FILIP1: variants seen among roughly 807,000 people sequenced by gnomAD.
FILIP1 encodes the protein filamin-A-interacting protein 1.
Under a neutral mutation model 102.1 loss-of-function variants are expected in FILIP1, and 61 were observed. That is an observed-to-expected ratio of 0.60 (90% confidence interval 0.49 to 0.74). The LOEUF (loss-of-function observed/expected upper bound fraction) is 0.74. Ranked by LOEUF, FILIP1 falls within the 30% of genes least tolerant of loss-of-function variation. The pLI is 0.00. For missense variants in FILIP1, 1,314 were observed against 1,441.2 expected (o/e 0.91, Z 1.43); for synonymous variants, 491 against 526.9 (o/e 0.93, Z 0.93).
chr6:75,315,601 C>T (rs1449054655), intron 4 of FILIP1, among the ~76,000 whole-genome samples: 3 of 152,168 alleles, frequency 2.0e-5, no homozygotes, highest in African/African-American at 4.8e-5. Flanking sequence ...TACATAATGT[C>T]TTCTGTATCC....
intron 4 of FILIP1, among the ~76,000 whole-genome samples, chr6:75,321,866 T>C (rs1773675957): frequency 6.7e-6 from 1 of 148,292 alleles, no homozygotes; most frequent in African/African-American, 2.5e-5. Flanking sequence ...AGAAAAAGGA[T>C]AGGATGGAGA....
At chr6:75,405,904 A>T (rs1776830525) in intron 2 of FILIP1, among the ~76,000 whole-genome samples, 2 of 152,194 alleles carry the variant, frequency 1.3e-5, no homozygotes, top group East Asian at 3.8e-4. Context: ...AGTTAAGTTT[A>T]AAAGTAGAAG....
chr6:75,337,985 G>A (rs1774297421), intron 4 of FILIP1, among the ~76,000 whole-genome samples: 1 of 152,126 alleles, frequency 6.6e-6, no homozygotes, highest in Non-Finnish European at 1.5e-5. Flanking sequence ...GTAGTCTAGA[G>A]CATTCCTCCC....
intron 6 of FILIP1, among the ~76,000 whole-genome samples, chr6:75,301,660 C>A (rs1293708407): frequency 1.3e-5 from 2 of 152,066 alleles, no homozygotes; most frequent in Admixed American, 1.3e-4. Flanking sequence ...AAGGTGCTTG[C>A]TAAACAATAG....
intron 3 of FILIP1, chr6:75,360,691 A>T (rs957589497): frequency 2.0e-5 from 3 of 152,246 alleles, no homozygotes; most frequent in Admixed American, 6.5e-5. Flanking sequence ...AAATAGGTCC[A>T]CTGTACTGGG....
chr6:75,431,856 T>C (rs374351297), intron 1 of FILIP1, among the ~76,000 whole-genome samples: 3 of 152,222 alleles, frequency 2.0e-5, no homozygotes, highest in East Asian at 3.9e-4. Context: ...AGAAAACAAA[T>C]CAAAACCTCA....
rs35845880 is a variant in FILIP1 at position 75,452,100 on chromosome 6, GT to G, written c.-6-37123del. ...TTTATTGACAAGGATTTCTACCAAA[GT>G]TTTTTTTTTTTTTAGTTATTATTAT... is the stretch of plus-strand genomic sequence containing the variant. On this transcript the variant is annotated intron_variant, in intron 1 of 5. Transcript: ENST00000237172. 8.7e-4 allele frequency among the ~76,000 whole-genome samples: 127 copies of G among 146,804 alleles called. 1 individual carries two copies. The East Asian group carries it at 0.014, about 17-fold the overall frequency.
chr6:75,485,009 G>GTCA (rs1779744338), intron 1 of FILIP1, among the ~76,000 whole-genome samples: 1 of 152,024 alleles, frequency 6.6e-6, no homozygotes, highest in African/African-American at 2.4e-5. Flanking sequence ...AGGCCAACCA[G>GTCA]TCAAACTCTT....
intron 1 of FILIP1, among the ~76,000 whole-genome samples, chr6:75,483,282 A>G (rs1336043): frequency 0.3 from 45,767 of 152,114 alleles, 7,822 homozygotes; most frequent in East Asian, 0.46. Context: ...CTTGTTTCCA[A>G]TGCACCTGCT....
intron 2 of FILIP1, among the ~76,000 whole-genome samples, chr6:75,402,537 C>A (rs1222950481): frequency 1.3e-5 from 2 of 152,102 alleles, no homozygotes; most frequent in Non-Finnish European, 2.9e-5. Flanking sequence ...AACTAAAAGC[C>A]TCATTCTTCA....
At chr6:75,452,399 G>T in intron 1 of FILIP1, among the ~76,000 whole-genome samples, 1 of 152,080 alleles carries the variant, frequency 6.6e-6, no homozygotes, top group East Asian at 1.9e-4. Flanking sequence ...GAGAATGATG[G>T]TTTCCAGCTT....
intron 1 of FILIP1, among the ~76,000 whole-genome samples, chr6:75,442,546 G>A (rs953556474): frequency 3.3e-5 from 5 of 152,084 alleles, no homozygotes; most frequent in African/African-American, 1.2e-4. Flanking sequence ...GCGGTTAGGA[G>A]CTGGAGACCA....
intron 3 of FILIP1, among the ~76,000 whole-genome samples, chr6:75,356,968 T>C (rs1775024295): frequency 6.6e-6 from 1 of 152,150 alleles, no homozygotes; most frequent in Admixed American, 6.5e-5. Flanking sequence ...TTTCCCCCCT[T>C]TTTCAGTCTT....
intron 4 of FILIP1, among the ~76,000 whole-genome samples, chr6:75,329,449 A>G (rs1257176515): frequency 1.3e-5 from 2 of 152,200 alleles, no homozygotes; most frequent in African/African-American, 4.8e-5. Context: ...AATGTCACCA[A>G]AAAGTCATCC....
intron 4 of FILIP1, among the ~76,000 whole-genome samples, chr6:75,330,615 G>C: frequency 6.6e-6 from 1 of 152,124 alleles, no homozygotes; most frequent in East Asian, 1.9e-4. Flanking sequence ...AGAAGATCCT[G>C]TAGTTATATT....
In FILIP1 at chr6:75,479,073, G is replaced by A. The variant is rs573988332; in HGVS notation, c.-7+14341C>T. Among the ~76,000 whole-genome samples, 3 of 152,222 alleles carry A rather than the reference G, an allele frequency of 2.0e-5. No homozygotes were observed. In the South Asian group the frequency reaches 6.2e-4, roughly 32 times the overall value. The stretch of plus-strand genomic sequence containing the variant: ...TGACACTTAAGGACTATGCAGCCTT[G>A]TTTTAACAACCCTATCCTAACAAGG... On this transcript the variant is annotated intron_variant, in intron 1 of 5. Transcript: ENST00000237172.
intron 3 of FILIP1, among the ~76,000 whole-genome samples, chr6:75,361,311 G>A (rs1033110526): frequency 2.0e-5 from 3 of 152,172 alleles, no homozygotes; most frequent in Non-Finnish European, 4.4e-5. Context: ...ATTGGAGGCA[G>A]TAATCCTGGG....
rs76456355 is a variant in FILIP1 at position 75,318,468 on chromosome 6, T to A, written c.630-3266A>T. Among the ~76,000 whole-genome samples the A allele has an allele frequency of 7.1e-3, 1,079 of 152,124 alleles. 37 individuals carry two copies. The East Asian group carries it at 0.11, about 15-fold the overall frequency. On this transcript the variant is annotated intron_variant, in intron 4 of 5. Coordinates refer to ENST00000237172, the MANE Select transcript of FILIP1 (RefSeq NM_015687.5). ...CTAGGCTGGTATTGAACTGCTGGTGTCAAGTGATCCTCCTGCCTCAGTCTC... is the reference window on the plus strand; with the variant it reads ...CTAGGCTGGTATTGAACTGCTGGTGACAAGTGATCCTCCTGCCTCAGTCTC...
At chr6:75,310,466 G>C (rs185799850) in intron 5 of FILIP1, among the ~76,000 whole-genome samples, 1 of 152,324 alleles carries the variant, frequency 6.6e-6, no homozygotes, top group African/African-American at 2.4e-5. Flanking sequence ...TAAATTCTAA[G>C]AGGAGTATTC....
Sources: allele counts gnomAD v4.1 joint callset (sites outside exome capture counted in the v4.1 genomes callset), GRCh38; gene constraint gnomAD v4.1.1; transcripts MANE v1.5; gene names NCBI Gene and HGNC (gene_info 2026-07-23, HGNC 2026-07-21).